Variants in SDCCAG8 observed in about 807,000 individuals in gnomAD.
SDCCAG8 encodes serologically defined colon cancer antigen 8.
SDCCAG8 carries 74 observed loss-of-function variants against 101.8 expected under a neutral mutation model. That is an observed-to-expected ratio of 0.73 (90% CI 0.60 to 0.88). The LOEUF (loss-of-function observed/expected upper bound fraction) is 0.88. SDCCAG8 is among the 40% of genes least tolerant of loss of function. The probability of loss-of-function intolerance (pLI) is 0.00; values close to 1 mark genes in which losing one functional copy is unlikely to be tolerated. For synonymous variants in SDCCAG8, 281 were observed against 292.9 expected, an observed-to-expected ratio of 0.96 and a Z score of 0.41; for missense variants, 787 against 822.6, an observed-to-expected ratio of 0.96 and a Z score of 0.53.
intron 17 of SDCCAG8, among the ~76,000 whole-genome samples, chr1:243,497,573 C>T (rs987084312): frequency 8.0e-5 from 12 of 150,022 alleles, no homozygotes; most frequent in Admixed American, 2.0e-4. Context: ...GGAACAGCTC[C>T]GATAGTGATA....
rs571822395 is a variant in SDCCAG8, at chr1:243,262,266, C to T, written c.67+6026C>T. 1.3e-3 allele frequency among the ~76,000 whole-genome samples: 188 copies of T among 147,940 alleles called. 21 individuals carry two copies. Among genetic ancestry groups the T allele is most frequent in the Non-Finnish European group, 2.2e-3 (147 of 65,992 alleles). ...TGATTACAGGTGCCACCACCACGCC[C>T]GGCTAATTTTTTTATTTTTAGTAGA... On this transcript the variant is annotated intron_variant, in intron 1 of 17. Coordinates refer to ENST00000366541, the MANE Select transcript of SDCCAG8 (RefSeq NM_006642.5).
chr1:243,454,817 C>G (rs1178046917), intron 16 of SDCCAG8, among the ~76,000 whole-genome samples: 1 of 152,126 alleles, frequency 6.6e-6, no homozygotes, highest in African/African-American at 2.4e-5. Context: ...GGATTTCAGT[C>G]AGCATGACAG....
intron 15 of SDCCAG8, among the ~76,000 whole-genome samples, chr1:243,425,675 T>A (rs1413197639): frequency 6.6e-6 from 1 of 152,158 alleles, no homozygotes; most frequent in Non-Finnish European, 1.5e-5. Context: ...AGAGTTTACT[T>A]AATACAAGGA....
At position 243,317,817 on chromosome 1, in the gene SDCCAG8, T is replaced by A. The variant is rs2073392870; in HGVS notation, c.1068+924T>A. On this transcript the variant is annotated intron_variant, in intron 9 of 17. Transcript: ENST00000366541. ...TGTATTTTCCCTAGACACACTAGCA[T>A]ACAATTCAAGTTCTTAATGGCCACG... Among the ~76,000 whole-genome samples the A allele has an allele frequency of 2.0e-5, 3 of 152,224 alleles. No homozygotes were observed. The South Asian group carries it at 6.2e-4, about 31-fold the overall frequency.
intron 3 of SDCCAG8, 35 bp downstream of exon 3, chr1:243,271,098 C>T (rs1449288155): frequency 1.4e-6 from 2 of 1,434,762 alleles, no homozygotes; most frequent in Non-Finnish European, 2.0e-6. Flanking sequence ...ACAAAGCATT[C>T]CTGTGTTTTA....
At chr1:243,344,019 G>T (rs904544139) in intron 11 of SDCCAG8, among the ~76,000 whole-genome samples, 196 bp from the exon 12 acceptor site, 16 of 152,174 alleles carry the variant, frequency 1.1e-4, no homozygotes, top group African/African-American at 3.6e-4. Flanking sequence ...ATTTCAAGTT[G>T]TTAGAATCAA....
At position 243,489,050 on chromosome 1, in the gene SDCCAG8, C is replaced by CCAG; in HGVS notation, c.2027_2029dup (p.Gln676dup). On this transcript the variant is annotated inframe_insertion, in exon 17 of 18. Coordinates refer to ENST00000366541, the MANE Select transcript of SDCCAG8 (RefSeq NM_006642.5). ...TGGATAAGCACAGCCAGGCCACAGCCCAGCAGCTGGTGCAGCTCCTCAGCA... is the reference window on the plus strand; with the variant it reads ...TGGATAAGCACAGCCAGGCCACAGCCCAGCAGCAGCTGGTGCAGCTCCTCAGCA... The CCAG allele has an allele frequency of 6.2e-7, 1 of 1,613,436 alleles. No homozygotes were observed. Among genetic ancestry groups the CCAG allele is most frequent in the Non-Finnish European group, 8.5e-7 (1 of 1,180,028 alleles).
rs1374435675 is a variant in SDCCAG8 at position 243,316,767 on chromosome 1, C to T, written c.942C>T (p.Asp314=). The change falls in exon 9 of 18, where the codon GAC becomes GAT. Residue 314 remains aspartate, a synonymous_variant. Transcript: ENST00000366541. ...TTTGTGCTGACAGAGAAAGAGATGA[C>T]TTGATGTCTGCACTAGTTTCCGTAA... ...TIERLVKERD[D]LMSALVSVRS... 1 of 1,614,134 alleles carries T rather than the reference C, an allele frequency of 6.2e-7. No individual in the cohort carries two copies. Among genetic ancestry groups the T allele is most frequent in the Non-Finnish European group, 8.5e-7 (1 of 1,180,022 alleles).
At chr1:243,450,120 A>G (rs1285733044) in intron 16 of SDCCAG8, among the ~76,000 whole-genome samples, 3 of 152,158 alleles carry the variant, frequency 2.0e-5, no homozygotes, top group Non-Finnish European at 4.4e-5. Flanking sequence ...CACTTAGAGC[A>G]CTGTATTCAT....
rs545237379 is a variant in SDCCAG8, at chr1:243,498,438, G to A, written c.2113-1318G>A. ...GGGCCTGGGAGGGCTGTGTGCATGGGATGGCAGGTTTACGAGGAGGAGTGA... is the reference window on the plus strand; with the variant it reads ...GGGCCTGGGAGGGCTGTGTGCATGGAATGGCAGGTTTACGAGGAGGAGTGA... On this transcript the variant is annotated intron_variant, in intron 17 of 17. Coordinates refer to ENST00000366541, the MANE Select transcript of SDCCAG8 (RefSeq NM_006642.5). Among the ~76,000 whole-genome samples the A allele has an allele frequency of 3.3e-5, 5 of 152,268 alleles. No individual in the cohort carries two copies. In the East Asian group the frequency reaches 9.7e-4, roughly 30 times the overall value.
At chr1:243,395,300 G>A (rs910370915) in intron 13 of SDCCAG8, among the ~76,000 whole-genome samples, 3 of 152,172 alleles carry the variant, frequency 2.0e-5, no homozygotes, top group Non-Finnish European at 2.9e-5. Flanking sequence ...GACCATGGAA[G>A]TGATCAAATT....
In SDCCAG8 at chr1:243,256,153, C is replaced by G; in HGVS notation, c.-21C>G. 6.2e-7 allele frequency: 1 copy of G among 1,611,772 alleles called. No individual in the cohort carries two copies. The highest frequency in any genetic ancestry group is 8.5e-7 in the Non-Finnish European group (1 of 1,177,772). ...GGACATTTCCCCACGTAACTCCCAG[C>G]TCTGGGCCTAGAGTGCGTGCATGGC... On this transcript the variant is annotated 5_prime_UTR_variant, in exon 1 of 18. Coordinates refer to ENST00000366541, the MANE Select transcript of SDCCAG8 (RefSeq NM_006642.5).
chr1:243,491,474 G>A (rs376379448), intron 17 of SDCCAG8, among the ~76,000 whole-genome samples: 1 of 152,228 alleles, frequency 6.6e-6, no homozygotes. Flanking sequence ...ATTTGGTAGA[G>A]GGAATGTTGG....
chr1:243,379,631 G>A (rs928292510), intron 13 of SDCCAG8, among the ~76,000 whole-genome samples: 2 of 152,106 alleles, frequency 1.3e-5, no homozygotes, highest in African/African-American at 4.8e-5. Flanking sequence ...TATCATATGT[G>A]GTTTCTTTTC....
chr1:243,480,354 GGTGGGT>G (rs1663257031), intron 16 of SDCCAG8, among the ~76,000 whole-genome samples: 5 of 116,340 alleles, frequency 4.3e-5, no homozygotes, highest in African/African-American at 3.4e-5. Context: ...GGGATGGATG[GGTGGGT>G]GGGATGGATG....
chr1:243,442,547 C>T (rs2082612021), intron 16 of SDCCAG8, among the ~76,000 whole-genome samples: 1 of 151,944 alleles, frequency 6.6e-6, no homozygotes, highest in South Asian at 2.1e-4. Context: ...GATTTTACGT[C>T]AGTTCTGCCT....
At chr1:243,309,605 A>G (rs1400610945) in intron 8 of SDCCAG8, among the ~76,000 whole-genome samples, 1 of 152,190 alleles carries the variant, frequency 6.6e-6, no homozygotes, top group Non-Finnish European at 1.5e-5. Flanking sequence ...TCTGTGCTCA[A>G]GCGATCCTCC....
chr1:243,384,191 A>T (rs1200837094), intron 13 of SDCCAG8, among the ~76,000 whole-genome samples: 1 of 152,202 alleles, frequency 6.6e-6, no homozygotes, highest in Non-Finnish European at 1.5e-5. Flanking sequence ...TTCTTCAAGT[A>T]GGAGGAGAGG....
intron 16 of SDCCAG8, among the ~76,000 whole-genome samples, chr1:243,430,467 C>A (rs1170115377): frequency 1.3e-5 from 2 of 151,864 alleles, no homozygotes; most frequent in Non-Finnish European, 1.5e-5. Flanking sequence ...TTTTTTGATA[C>A]GGAGTCTCTC....
Sources: gnomAD v4.1 joint callset for allele counts (sites outside exome capture counted in the v4.1 genomes callset) on GRCh38, gnomAD v4.1.1 for gene constraint, MANE v1.5 for transcripts, NCBI Gene and HGNC (gene_info 2026-07-23, HGNC 2026-07-21) for gene names.